Variants in ELMO1 observed in about 807,000 individuals in gnomAD.
The protein encoded by ELMO1 is engulfment and cell motility 1, also known as engulfment and cell motility protein 1.
Under a neutral mutation model 98.9 loss-of-function variants are expected in ELMO1, and 26 were observed. The observed-to-expected ratio is 0.26, with a 90% CI of 0.19 to 0.36. The LOEUF (loss-of-function observed/expected upper bound fraction) is 0.36. ELMO1 is among the 10% of genes least tolerant of loss of function. The pLI, the probability that ELMO1 is intolerant of heterozygous loss-of-function variation, is 1.00. For synonymous variants in ELMO1, 346 were observed against 346.0 expected, an observed-to-expected ratio of 1.00 and a Z score of 0.00; for missense variants, 627 against 935.2, an observed-to-expected ratio of 0.67 and a Z score of 4.30.
intron 6 of ELMO1, 29 bp from the exon 7 acceptor site, chr7:37,244,420 G>C: frequency 2.5e-6 from 4 of 1,608,460 alleles, no homozygotes; most frequent in Non-Finnish European, 2.5e-6. Flanking sequence ...ACCATGTGAG[G>C]AGCATACTTA....
intron 13 of ELMO1, among the ~76,000 whole-genome samples, chr7:37,168,570 T>C (rs1350856548): frequency 1.3e-5 from 2 of 152,176 alleles, no homozygotes; most frequent in South Asian, 2.1e-4. Context: ...GGACCCTCAG[T>C]TGCAGGTCTG....
chr7:37,063,619 T>C (rs1796783897), intron 15 of ELMO1, among the ~76,000 whole-genome samples: 1 of 152,320 alleles, frequency 6.6e-6, no homozygotes, highest in South Asian at 2.1e-4. Context: ...AGTCTTTCTC[T>C]TCATCACAGC....
intron 15 of ELMO1, among the ~76,000 whole-genome samples, chr7:37,021,455 C>T (rs191537260): frequency 6.6e-6 from 1 of 151,944 alleles, no homozygotes; most frequent in East Asian, 1.9e-4. Context: ...AAAAAAATAC[C>T]GACTAGTGTT....
At chr7:37,222,078 A>T (rs1453129567) in intron 10 of ELMO1, among the ~76,000 whole-genome samples, 2 of 152,210 alleles carry the variant, frequency 1.3e-5, no homozygotes, top group Non-Finnish European at 2.9e-5. Context: ...TCACCAAGCA[A>T]GGAGCCCCTC....
intron 16 of ELMO1, chr7:36,984,803 G>A: frequency 4.1e-6 from 3 of 729,342 alleles, no homozygotes; most frequent in Non-Finnish European, 5.0e-6. Flanking sequence ...TTTAAAAAAA[G>A]TAACATGATG....
At chr7:37,142,847 A>T (rs1787726232) in intron 13 of ELMO1, among the ~76,000 whole-genome samples, 1 of 152,186 alleles carries the variant, frequency 6.6e-6, no homozygotes, top group South Asian at 2.1e-4. Context: ...TCTGAACCTA[A>T]TTCTAACAAT....
At chr7:37,312,478 C>A (rs2131084543) in intron 4 of ELMO1, among the ~76,000 whole-genome samples, 1 of 152,274 alleles carries the variant, frequency 6.6e-6, no homozygotes, top group Middle Eastern at 3.4e-3. Flanking sequence ...AAAATAGGCC[C>A]CAGGGCTGTT....
intron 1 of ELMO1, among the ~76,000 whole-genome samples, chr7:37,416,859 G>A (rs1804237503): frequency 6.6e-6 from 1 of 152,190 alleles, no homozygotes; most frequent in South Asian, 2.1e-4. Flanking sequence ...GTGCAGGTGA[G>A]TCAGAATGTG....
intron 16 of ELMO1, among the ~76,000 whole-genome samples, chr7:36,933,126 G>A (rs1400323470): frequency 6.6e-6 from 1 of 152,164 alleles, no homozygotes; most frequent in African/African-American, 2.4e-5. Context: ...GCAGCTCAGA[G>A]CACGTGGGGC....
chr7:37,008,672 T>G (rs75588305), intron 16 of ELMO1, among the ~76,000 whole-genome samples: 1 of 152,176 alleles, frequency 6.6e-6, no homozygotes, highest in Non-Finnish European at 1.5e-5. Flanking sequence ...GACAGGGTGA[T>G]GTATCCTTTT....
intron 9 of ELMO1, 94 bp downstream of exon 9, chr7:37,224,785 A>G: frequency 4.0e-6 from 6 of 1,515,168 alleles, no homozygotes; most frequent in South Asian, 3.8e-5. Flanking sequence ...TGTACATTTA[A>G]CCAAACTATA....
chr7:37,436,286 C>T (rs1357065662), intron 1 of ELMO1, among the ~76,000 whole-genome samples: 1 of 152,198 alleles, frequency 6.6e-6, no homozygotes, highest in African/African-American at 2.4e-5. Context: ...GGCGTTGCTA[C>T]ACAGCGGACA....
chr7:36,873,724 A>G (rs915056794), intron 19 of ELMO1, among the ~76,000 whole-genome samples: 1 of 152,198 alleles, frequency 6.6e-6, no homozygotes, highest in Admixed American at 6.5e-5. Context: ...CACAGCCCCA[A>G]ATGTGGTTAT....
At chr7:36,958,059 G>A (rs1195154310) in intron 16 of ELMO1, among the ~76,000 whole-genome samples, 2 of 152,134 alleles carry the variant, frequency 1.3e-5, no homozygotes, top group African/African-American at 2.4e-5. Flanking sequence ...CATTCCAAAA[G>A]TTCTCTGATC....
intron 16 of ELMO1, among the ~76,000 whole-genome samples, chr7:36,896,798 A>G (rs1360184826): frequency 1.3e-5 from 2 of 152,144 alleles, no homozygotes; most frequent in Non-Finnish European, 2.9e-5. Flanking sequence ...TTGAACTATA[A>G]TGCTTTGCTG....
chr7:37,087,779 G>T (rs1169673209), intron 15 of ELMO1, among the ~76,000 whole-genome samples: 1 of 151,834 alleles, frequency 6.6e-6, no homozygotes, highest in Non-Finnish European at 1.5e-5. Context: ...TATCTTCAAG[G>T]TTTCCTATAA....
chr7:37,283,710 G>A (rs901467055), intron 4 of ELMO1, among the ~76,000 whole-genome samples: 1 of 152,182 alleles, frequency 6.6e-6, no homozygotes, highest in Non-Finnish European at 1.5e-5. Context: ...CCTGCGTCCG[G>A]CCTCTGCTCT....
At chr7:37,393,331 A>G (rs745732377) in intron 1 of ELMO1, among the ~76,000 whole-genome samples, 2 of 152,150 alleles carry the variant, frequency 1.3e-5, no homozygotes, top group Non-Finnish European at 2.9e-5. Context: ...CAAGCATTCA[A>G]ATCAGAAAAT....
At chr7:37,365,918 A>T (rs1485244844) in intron 1 of ELMO1, among the ~76,000 whole-genome samples, 2 of 152,256 alleles carry the variant, frequency 1.3e-5, no homozygotes, top group Admixed American at 1.3e-4. Flanking sequence ...GTATTGTAGA[A>T]CCTACTAAAG....
Sources: gnomAD v4.1 joint callset for allele counts (sites outside exome capture counted in the v4.1 genomes callset) on GRCh38, gnomAD v4.1.1 for gene constraint, MANE v1.5 for transcripts, NCBI Gene and HGNC (gene_info 2026-07-23, HGNC 2026-07-21) for gene names.